The following XKR4 variants were observed in gnomAD, a reference collection of about 807,000 sequenced individuals.
The protein encoded by XKR4 is XK-related protein 4.
Under a neutral mutation model 53.9 loss-of-function variants are expected in XKR4, and 12 were observed. The ratio of observed to expected loss-of-function variants is 0.22; its 90% CI spans 0.14 to 0.36. The LOEUF is 0.36. Ranked by LOEUF, XKR4 falls within the 10% of genes least tolerant of loss-of-function variation. The pLI is 1.00. For missense variants in XKR4, 799 were observed against 859.5 expected (o/e 0.93, Z 0.88); for synonymous variants, 354 against 362.4 (o/e 0.98, Z 0.26).
chr8:55,324,093 C>T (rs140904743), intron 1 of XKR4, among the ~76,000 whole-genome samples: 126 of 152,168 alleles, frequency 8.3e-4, no homozygotes, highest in African/African-American at 2.4e-3. Context: ...TTAGGGTTGA[C>T]ATTTTTTATT....
chr8:55,193,211 C>T lies in XKR4; in HGVS notation c.806+89917C>T, dbSNP rs371054426. On this transcript the variant is annotated intron_variant, in intron 1 of 2. Transcript: ENST00000327381. ...AGAATGATTTGCTTTCTCTGTGCCC[C>T]TTTCTTCTTTTTAACCTTCGTGCTT... Among the ~76,000 whole-genome samples, 3 of 152,146 alleles carry T rather than the reference C, an allele frequency of 2.0e-5. No homozygotes were observed. The East Asian group carries it at 5.8e-4, about 29-fold the overall frequency.
chr8:55,304,238 G>T (rs1216526071), intron 1 of XKR4, among the ~76,000 whole-genome samples: 1 of 152,144 alleles, frequency 6.6e-6, no homozygotes, highest in South Asian at 2.1e-4. Flanking sequence ...CGTTATTTCT[G>T]CCTTCATTTC....
intron 1 of XKR4, among the ~76,000 whole-genome samples, chr8:55,253,195 C>T (rs1260416324): frequency 6.6e-6 from 1 of 152,052 alleles, no homozygotes; most frequent in Non-Finnish European, 1.5e-5. Flanking sequence ...TATGCCTTTT[C>T]CTTCCGACGT....
At chr8:55,307,430 T>A (rs1191179288) in intron 1 of XKR4, among the ~76,000 whole-genome samples, 1 of 152,120 alleles carries the variant, frequency 6.6e-6, no homozygotes, top group Non-Finnish European at 1.5e-5. Context: ...GGAGTGAGGA[T>A]CACTTGAGCC....
At chr8:55,117,813 T>A (rs1816331634) in intron 1 of XKR4, among the ~76,000 whole-genome samples, 1 of 152,196 alleles carries the variant, frequency 6.6e-6, no homozygotes, top group African/African-American at 2.4e-5. Flanking sequence ...GTGCTAAAAA[T>A]GGTAATGAGT....
intron 1 of XKR4, among the ~76,000 whole-genome samples, chr8:55,228,496 C>T (rs933046141): frequency 6.6e-6 from 1 of 151,950 alleles, no homozygotes; most frequent in Non-Finnish European, 1.5e-5. Flanking sequence ...TGACTTATTA[C>T]AAGTTCTCAT....
intron 2 of XKR4, among the ~76,000 whole-genome samples, chr8:55,510,898 G>T (rs1806615767): frequency 6.6e-6 from 1 of 152,172 alleles, no homozygotes; most frequent in South Asian, 2.1e-4. Context: ...GAGAAGGCTG[G>T]GCCACTTCTG....
rs1448306113 is a variant in XKR4, at chr8:55,529,753, A to G, written c.*5526A>G. On this transcript the variant is annotated 3_prime_UTR_variant, in exon 3 of 3. Transcript: ENST00000327381. The stretch of plus-strand genomic sequence containing the variant: ...GCAAGTCTTCAGAAGAAACAGAATC[A>G]TGGTCTGATGATCAAATTTTTCCAA... The G allele has an allele frequency of 1.3e-5, 2 of 152,198 alleles. No homozygotes were observed. The highest frequency in any genetic ancestry group is 2.9e-5 in the Non-Finnish European group (2 of 68,040). The allele number at this position is 152,198 out of a possible 1,614,324, so 9.4% of individuals were successfully genotyped here.
intron 1 of XKR4, among the ~76,000 whole-genome samples, chr8:55,107,613 C>G (rs563865485): frequency 2.6e-5 from 4 of 152,128 alleles, no homozygotes; most frequent in Admixed American, 2.6e-4. Flanking sequence ...GGAACATGAT[C>G]TCGTAGTAGT....
chr8:55,188,555 C>A (rs1817407389), intron 1 of XKR4, among the ~76,000 whole-genome samples: 1 of 152,184 alleles, frequency 6.6e-6, no homozygotes, highest in Admixed American at 6.5e-5. Context: ...AGTTTAAAGA[C>A]AGGAACGTTT....
intron 2 of XKR4, among the ~76,000 whole-genome samples, chr8:55,462,380 C>T (rs1805673547): frequency 1.3e-5 from 2 of 152,056 alleles, no homozygotes; most frequent in Admixed American, 6.6e-5. Flanking sequence ...AACTAAGCTT[C>T]ATAAGTGAAG....
intron 1 of XKR4, among the ~76,000 whole-genome samples, chr8:55,154,447 A>T (rs1816878963): frequency 6.6e-6 from 1 of 152,228 alleles, no homozygotes; most frequent in Admixed American, 6.5e-5. Flanking sequence ...TTTTCTATTT[A>T]AATTTAATTT....
rs1236215142 is a variant in XKR4 at position 55,539,973 on chromosome 8, CAG to C, written c.*15749_*15750del. The stretch of plus-strand genomic sequence containing the variant: ...AGAGCTGGACAACCCTTTGAAATGA[CAG>C]AGTCTAGATTCTTCACCAAACAGAT... On this transcript the variant is annotated 3_prime_UTR_variant, in exon 3 of 3. Coordinates refer to ENST00000327381, the MANE Select transcript of XKR4 (RefSeq NM_052898.2). 3 of 152,232 alleles carry C rather than the reference CAG, an allele frequency of 2.0e-5. No individual in the cohort carries two copies. Among genetic ancestry groups the C allele is most frequent in the Admixed American group, 6.5e-5 (1 of 15,276 alleles). 9.4% of individuals were successfully genotyped at this position (152,232 alleles called of 1,614,324 possible).
chr8:55,497,952 C>T (rs560276504), intron 2 of XKR4, among the ~76,000 whole-genome samples: 6 of 152,298 alleles, frequency 3.9e-5, no homozygotes, highest in South Asian at 2.1e-4. Flanking sequence ...TCCCCATCCC[C>T]GCTGCTGTTC....
At chr8:55,139,647 G>C (rs1816677111) in intron 1 of XKR4, among the ~76,000 whole-genome samples, 2 of 150,438 alleles carry the variant, frequency 1.3e-5, no homozygotes, top group African/African-American at 4.9e-5. Context: ...AAGCAGACAT[G>C]TAATGTTAAA....
intron 1 of XKR4, among the ~76,000 whole-genome samples, chr8:55,280,996 A>G (rs900475635): frequency 3.3e-5 from 5 of 152,212 alleles, no homozygotes; most frequent in African/African-American, 9.6e-5. Context: ...AAAATGTACT[A>G]TACAACGAAC....
chr8:55,452,443 C>A, intron 2 of XKR4: 1 of 624,194 alleles, frequency 1.6e-6, no homozygotes, highest in Admixed American at 2.4e-5. Flanking sequence ...CCCGCACTGC[C>A]CGCCCTCGCA....
At chr8:55,131,549 G>A (rs935349087) in intron 1 of XKR4, among the ~76,000 whole-genome samples, 4 of 152,032 alleles carry the variant, frequency 2.6e-5, no homozygotes, top group South Asian at 2.1e-4. Flanking sequence ...GAGTCCTCTC[G>A]CCTTGCAGTT....
chr8:55,406,335 C>A (rs1804681373), intron 2 of XKR4, among the ~76,000 whole-genome samples: 2 of 152,110 alleles, frequency 1.3e-5, no homozygotes, highest in African/African-American at 4.8e-5. Flanking sequence ...TACCACCTAT[C>A]AGCATTAACT....
Sources: allele counts gnomAD v4.1 joint callset (sites outside exome capture counted in the v4.1 genomes callset), GRCh38; gene constraint gnomAD v4.1.1; transcripts MANE v1.5; gene names NCBI Gene and HGNC (gene_info 2026-07-23, HGNC 2026-07-21).